The following CNTNAP5 variants were observed in gnomAD, a reference collection of about 807,000 sequenced individuals.
The protein encoded by CNTNAP5 is contactin-associated protein-like 5.
In CNTNAP5, 72 loss-of-function variants were observed where a neutral mutation model predicts 150.2. That is an observed-to-expected ratio of 0.48 (90% confidence interval 0.40 to 0.58). The LOEUF is 0.58. Ranked by LOEUF, CNTNAP5 falls within the 20% of genes least tolerant of loss-of-function variation. CNTNAP5 has a pLI of 0.00. For synonymous variants in CNTNAP5, 672 were observed against 619.8 expected (o/e 1.08, Z -1.25); for missense variants, 1,636 against 1,626.2 (o/e 1.01, Z -0.10).
intron 6 of CNTNAP5, among the ~76,000 whole-genome samples, chr2:124,452,595 G>A (rs1693013104): frequency 6.6e-6 from 1 of 152,260 alleles, no homozygotes; most frequent in South Asian, 2.1e-4. Flanking sequence ...CAGAACAAAA[G>A]TAGTGCATTA....
intron 10 of CNTNAP5, among the ~76,000 whole-genome samples, chr2:124,545,849 G>A (rs1192809559): frequency 1.3e-5 from 2 of 152,244 alleles, no homozygotes; most frequent in Non-Finnish European, 2.9e-5. Flanking sequence ...CCTAATTACT[G>A]GGCAGGCTGA....
At chr2:124,083,318 C>G (rs1006984447) in intron 1 of CNTNAP5, among the ~76,000 whole-genome samples, 3 of 152,122 alleles carry the variant, frequency 2.0e-5, no homozygotes, top group Non-Finnish European at 4.4e-5. Context: ...TGCCACTGCA[C>G]TCCAGCCCTG....
At chr2:124,544,440 C>T (rs1695466281) in intron 10 of CNTNAP5, among the ~76,000 whole-genome samples, 1 of 152,164 alleles carries the variant, frequency 6.6e-6, no homozygotes. Context: ...TGTACACTCC[C>T]ATAGTTCTTA....
At chr2:124,429,716 T>G (rs1401883892) in intron 4 of CNTNAP5, among the ~76,000 whole-genome samples, 2 of 152,196 alleles carry the variant, frequency 1.3e-5, no homozygotes, top group Non-Finnish European at 2.9e-5. Flanking sequence ...GCATCCTCTC[T>G]GCACCAATAA....
intron 10 of CNTNAP5, among the ~76,000 whole-genome samples, chr2:124,557,519 A>C (rs910010232): frequency 1.3e-5 from 2 of 152,140 alleles, no homozygotes; most frequent in African/African-American, 4.8e-5. Context: ...AATCTACAAC[A>C]ATTTATAGAG....
At chr2:124,613,435 A>G (rs1263868960) in intron 12 of CNTNAP5, among the ~76,000 whole-genome samples, 1 of 152,224 alleles carries the variant, frequency 6.6e-6, no homozygotes, top group Non-Finnish European at 1.5e-5. Flanking sequence ...GCCCAAGCCC[A>G]CATCTGTAAA....
chr2:124,256,181 A>T (rs762389678), intron 3 of CNTNAP5, among the ~76,000 whole-genome samples: 19 of 152,070 alleles, frequency 1.2e-4, no homozygotes, highest in Non-Finnish European at 2.2e-4. Context: ...TTGTCAATAT[A>T]AAAAAAACCT....
At chr2:124,254,426 G>T (rs1184125761) in intron 3 of CNTNAP5, among the ~76,000 whole-genome samples, 1 of 152,152 alleles carries the variant, frequency 6.6e-6, no homozygotes, top group Non-Finnish European at 1.5e-5. Flanking sequence ...CGTGGCTCCT[G>T]CGCAGTCCAG....
chr2:124,360,090 G>A (rs1294344624), intron 3 of CNTNAP5, among the ~76,000 whole-genome samples: 1 of 140,340 alleles, frequency 7.1e-6, no homozygotes, highest in Admixed American at 7.3e-5. Flanking sequence ...GATCTTTGTT[G>A]GTTTAAAGTC....
intron 19 of CNTNAP5, among the ~76,000 whole-genome samples, chr2:124,818,578 A>C (rs534361504): frequency 2.6e-5 from 4 of 152,136 alleles, no homozygotes; most frequent in African/African-American, 9.6e-5. Flanking sequence ...TTATCCCTTC[A>C]CTTATAGCTT....
chr2:124,579,511 TC>T (rs1363676796), intron 11 of CNTNAP5, among the ~76,000 whole-genome samples: 1 of 151,760 alleles, frequency 6.6e-6, no homozygotes, highest in Non-Finnish European at 1.5e-5. Flanking sequence ...AGACTCTTCA[TC>T]TAGCTCATTC....
At chr2:124,677,137 T>A (rs1678959297) in intron 13 of CNTNAP5, among the ~76,000 whole-genome samples, 1 of 152,180 alleles carries the variant, frequency 6.6e-6, no homozygotes, top group Non-Finnish European at 1.5e-5. Context: ...GATGTTCAGA[T>A]GTGTCCAGAG....
chr2:124,138,375 C>T (rs370332671), intron 1 of CNTNAP5, among the ~76,000 whole-genome samples: 1 of 152,316 alleles, frequency 6.6e-6, no homozygotes, highest in African/African-American at 2.4e-5. Context: ...TGTTTTCATT[C>T]AGGGACTTTG....
At chr2:124,504,141 C>A (rs1260586351) in intron 7 of CNTNAP5, 151 bp from the exon 8 acceptor site, 16 of 759,728 alleles carry the variant, frequency 2.1e-5, no homozygotes, top group Non-Finnish European at 3.2e-5. Context: ...TGTGTCTGAG[C>A]AAAGCCGACA....
chr2:124,107,809 C>T (rs942292845), intron 1 of CNTNAP5, among the ~76,000 whole-genome samples: 8 of 152,164 alleles, frequency 5.3e-5, no homozygotes, highest in African/African-American at 1.9e-4. Context: ...TGACCTGTGC[C>T]CAAGGTGACT....
intron 1 of CNTNAP5, among the ~76,000 whole-genome samples, chr2:124,087,867 G>A (rs970840071): frequency 1.3e-5 from 2 of 152,026 alleles, no homozygotes; most frequent in Admixed American, 6.5e-5. Flanking sequence ...TTTTTCTCAG[G>A]TGGCTTTCAA....
chr2:124,849,136 C>T (rs1354059161), intron 19 of CNTNAP5, among the ~76,000 whole-genome samples: 1 of 152,042 alleles, frequency 6.6e-6, no homozygotes, highest in Admixed American at 6.6e-5. Flanking sequence ...TTATATTTAA[C>T]TCTTTATTTT....
chr2:124,496,314 C>T (rs1694143962), intron 7 of CNTNAP5, among the ~76,000 whole-genome samples: 1 of 152,094 alleles, frequency 6.6e-6, no homozygotes, highest in Admixed American at 6.6e-5. Context: ...GCTGGTAGTT[C>T]TCAGACAAAT....
Position 124,259,014 on chromosome 2 carries a change from C to G in CNTNAP5, c.381+16621C>G, listed in dbSNP as rs541676317. Among the ~76,000 whole-genome samples the G allele has an allele frequency of 4.9e-3, 652 of 134,212 alleles. No homozygotes were observed. The Middle Eastern group carries it at 0.05, about 10-fold the overall frequency. The allele number at this position is 134,212 out of a possible 152,430, so 88.0% of individuals were successfully genotyped here. A position where few individuals can be genotyped will look rare whatever the true frequency, so the allele number is the denominator to read the frequency against. The stretch of plus-strand genomic sequence containing the variant: ...CAATGCTATCCCTCCCCCCTCCCCC[C>G]ACCCTACAACAGGCCCCGGTGTGTG... On this transcript the variant is annotated intron_variant, in intron 3 of 23. Coordinates refer to ENST00000682447, the MANE Select transcript of CNTNAP5 (RefSeq NM_001367498.1).
Sources: allele counts gnomAD v4.1 joint callset (sites outside exome capture counted in the v4.1 genomes callset), GRCh38; gene constraint gnomAD v4.1.1; transcripts MANE v1.5; gene names NCBI Gene and HGNC (gene_info 2026-07-23, HGNC 2026-07-21).